The following SAMTOR variants were observed in gnomAD, a reference collection of about 807,000 sequenced individuals.
SAMTOR encodes the protein S-adenosylmethionine sensor upstream of mTORC1, also known as UPF0532 protein C7orf60.
chr7:112,902,672 C>T, the SAMTOR span, among the ~76,000 whole-genome samples: 2 of 151,970 alleles, frequency 1.3e-5, no homozygotes, highest in Non-Finnish European at 2.9e-5. Context: ...ACAACTCTAA[C>T]AAATGTACCA....
At chr7:112,837,345 TG>T in the SAMTOR span, among the ~76,000 whole-genome samples, 2 of 152,054 alleles carry the variant, frequency 1.3e-5, no homozygotes, top group Non-Finnish European at 2.9e-5. Context: ...GCAGAGACTA[TG>T]GGGTTTTCTA....
the SAMTOR span, among the ~76,000 whole-genome samples, chr7:112,824,012 G>A: frequency 6.6e-6 from 1 of 152,086 alleles, no homozygotes; most frequent in Non-Finnish European, 1.5e-5. Flanking sequence ...AAATAATTGG[G>A]TTGCTTTAAA....
At chr7:112,876,090 A>G in the SAMTOR span, among the ~76,000 whole-genome samples, 1 of 152,022 alleles carries the variant, frequency 6.6e-6, no homozygotes, top group Non-Finnish European at 1.5e-5. Context: ...CGTCCCAAGT[A>G]ACTGGGACTA....
the SAMTOR span, among the ~76,000 whole-genome samples, chr7:112,830,221 A>T: frequency 6.6e-6 from 1 of 152,084 alleles, no homozygotes; most frequent in Non-Finnish European, 1.5e-5. Context: ...TCCATCTCTC[A>T]GAGATTACTG....
chr7:112,887,637 C>T, the SAMTOR span, among the ~76,000 whole-genome samples: 1 of 152,174 alleles, frequency 6.6e-6, no homozygotes, highest in Non-Finnish European at 1.5e-5. Flanking sequence ...TATAGGCTTT[C>T]CATATTATCT....
At chr7:112,881,517 C>T in the SAMTOR span, among the ~76,000 whole-genome samples, 2 of 152,204 alleles carry the variant, frequency 1.3e-5, no homozygotes, top group Non-Finnish European at 2.9e-5. Context: ...CTCAAACAGA[C>T]ATTGGGACTA....
chr7:112,891,803 C>A, the SAMTOR span, among the ~76,000 whole-genome samples: 3 of 152,214 alleles, frequency 2.0e-5, no homozygotes, highest in African/African-American at 7.2e-5. Context: ...GAGCCTCCAG[C>A]AAGTTGTAAT....
chr7:112,874,152 C>G, the SAMTOR span, among the ~76,000 whole-genome samples: 4 of 151,992 alleles, frequency 2.6e-5, no homozygotes, highest in African/African-American at 9.7e-5. Context: ...TCTCAGAAAA[C>G]TAAAACTAGA....
the SAMTOR span, among the ~76,000 whole-genome samples, chr7:112,925,794 CA>C: frequency 0.9 from 97,061 of 107,978 alleles, 43,367 homozygotes; most frequent in South Asian, 0.95. Context: ...AGCTCTGTCT[CA>C]AAAAAAAAAA....
the SAMTOR span, among the ~76,000 whole-genome samples, chr7:112,882,817 GT>G: frequency 1.4e-5 from 2 of 146,722 alleles, no homozygotes; most frequent in African/African-American, 5.0e-5. Context: ...TCCTTTACTA[GT>G]GTAACATCTT....
chr7:112,827,696 T>TA, the SAMTOR span, among the ~76,000 whole-genome samples: 2 of 152,118 alleles, frequency 1.3e-5, no homozygotes, highest in African/African-American at 4.8e-5. Flanking sequence ...AAATAGTTGT[T>TA]ATGCTATATT....
At chr7:112,906,658 G>A in the SAMTOR span, among the ~76,000 whole-genome samples, 3 of 149,162 alleles carry the variant, frequency 2.0e-5, no homozygotes, top group South Asian at 2.1e-4. Context: ...AACCTCCTCC[G>A]CCTCCTGGGT....
At chr7:112,856,338 CT>C in the SAMTOR span, among the ~76,000 whole-genome samples, 1 of 151,606 alleles carries the variant, frequency 6.6e-6, no homozygotes, top group Non-Finnish European at 1.5e-5. Flanking sequence ...CAACCTCTGC[CT>C]CCCAGGTTCA....
At chr7:112,897,619 C>T in the SAMTOR span, among the ~76,000 whole-genome samples, 1 of 152,006 alleles carries the variant, frequency 6.6e-6, no homozygotes, top group Non-Finnish European at 1.5e-5. Context: ...CCATTTATAC[C>T]TATGGCATAA....
the SAMTOR span, among the ~76,000 whole-genome samples, chr7:112,837,545 T>G: frequency 4.6e-5 from 7 of 152,152 alleles, no homozygotes; most frequent in East Asian, 7.7e-4. Flanking sequence ...TATATATTTG[T>G]GCAGATATGA....
the SAMTOR span, among the ~76,000 whole-genome samples, chr7:112,868,274 C>T: frequency 6.6e-6 from 1 of 152,046 alleles, no homozygotes; most frequent in Non-Finnish European, 1.5e-5. Context: ...TTGGAAATAG[C>T]AAAAATAGTG....
At chr7:112,891,896 C>A in the SAMTOR span, among the ~76,000 whole-genome samples, 1 of 152,162 alleles carries the variant, frequency 6.6e-6, no homozygotes, top group Admixed American at 6.5e-5. Flanking sequence ...GGGGTGCTAT[C>A]AGAATTTCTA....
the SAMTOR span, among the ~76,000 whole-genome samples, chr7:112,867,877 C>G: frequency 2.6e-5 from 4 of 152,178 alleles, no homozygotes; most frequent in Admixed American, 2.0e-4. Context: ...TGTTAGGAAC[C>G]GGGCTGCATA....
the SAMTOR span, among the ~76,000 whole-genome samples, chr7:112,851,286 C>T: frequency 8.5e-5 from 13 of 152,164 alleles, no homozygotes; most frequent in East Asian, 3.9e-4. Flanking sequence ...TCATATTATT[C>T]GACTTCAAAT....
Sources: gnomAD v4.1 joint callset for allele counts (sites outside exome capture counted in the v4.1 genomes callset) on GRCh38, gnomAD v4.1.1 for gene constraint, MANE v1.5 for transcripts, NCBI Gene and HGNC (gene_info 2026-07-23, HGNC 2026-07-21) for gene names.